Variants in GALNT15 observed in about 807,000 individuals in gnomAD.
GALNT15 encodes the protein polypeptide N-acetylgalactosaminyltransferase 15, also known as UDP-GalNAc transferase T15.
GALNT15 carries 67 observed loss-of-function variants against 66.8 expected under a neutral mutation model. That is an observed-to-expected ratio of 1.00 (90% CI 0.82 to 1.23). GALNT15 has a LOEUF of 1.23. GALNT15 is among the 50% of genes most tolerant of loss of function. The pLI is 0.00. For missense variants in GALNT15, 827 were observed against 804.3 expected, an observed-to-expected ratio of 1.03 and a Z score of -0.34; for synonymous variants, 313 against 311.5, an observed-to-expected ratio of 1.00 and a Z score of -0.05.
At chr3:16,240,753 C>T in the GALNT15 span, among the ~76,000 whole-genome samples, 248 of 152,234 alleles carry the variant, frequency 1.6e-3, 2 homozygotes, top group African/African-American at 5.5e-3. Flanking sequence ...CACTAGAGCC[C>T]GAGTAATCAA....
chr3:16,207,501 TAAAAAAA>T (rs36127239), intron 3 of GALNT15, among the ~76,000 whole-genome samples: 646 of 39,824 alleles, frequency 0.016, 25 homozygotes, highest in Middle Eastern at 0.024. Context: ...CTCCAGGCTG[TAAAAAAA>T]AAAAAAAAAA....
rs1364771335 is a variant in GALNT15, at chr3:16,180,404, C to A, written c.539+4714C>A. On this transcript the variant is annotated intron_variant, in intron 1 of 9. Coordinates refer to ENST00000339732, the MANE Select transcript of GALNT15 (RefSeq NM_054110.5). This position sits in a 1 kb window ranked among gnomAD's most constrained non-coding sequence, Gnocchi z 5.0. ...TCAGATGCTCCATTTCTATCAAAGG[C>A]ACTCCAAGGTGGCACCAGCACTGTT... 6.6e-6 allele frequency among the ~76,000 whole-genome samples: 1 copy of A among 152,224 alleles called. No individual in the cohort carries two copies. Among genetic ancestry groups the A allele is most frequent in the African/African-American group, 2.4e-5 (1 of 41,460 alleles).
At position 16,175,502 on chromosome 3, in the gene GALNT15, C is replaced by T. The variant is rs750868454; in HGVS notation, c.351C>T (p.Tyr117=). 1 of 1,613,922 alleles carries T rather than the reference C, an allele frequency of 6.2e-7. No individual in the cohort carries two copies. Among genetic ancestry groups the T allele is most frequent in the Non-Finnish European group, 8.5e-7 (1 of 1,179,918 alleles). The change falls in exon 1 of 10, where the codon TAC becomes TAT. Residue 117 remains tyrosine, a synonymous_variant. Transcript: ENST00000339732. The surrounding 1 kb of genome is among the most constrained non-coding windows in gnomAD (Gnocchi z 5.6). ...GCCAGGGCAGGAGAGGTGGGAGCTA[C>T]CGCCTCATCAAGCAGCCAAGGAGGC... is the stretch of plus-strand genomic sequence containing the variant. ...NQSQGRRGGS[Y]RLIKQPRRQD...
rs1427123997 is a variant in GALNT15 at position 16,175,984 on chromosome 3, AG to A, written c.539+296del. The stretch of plus-strand genomic sequence containing the variant: ...TCATTGTCCTAGAAAGCAGAAAGTG[AG>A]GACTCTTGCTTGTTCATTCTCTTCT... On this transcript the variant is annotated intron_variant, in intron 1 of 9. Coordinates refer to ENST00000339732, the MANE Select transcript of GALNT15 (RefSeq NM_054110.5). This position sits in a 1 kb window ranked among gnomAD's most constrained non-coding sequence, Gnocchi z 5.6. Among the ~76,000 whole-genome samples, 1 of 152,192 alleles carries A rather than the reference AG, an allele frequency of 6.6e-6. No individual in the cohort carries two copies.
At chr3:16,231,591 A>G (rs1257495367), downstream of GALNT15, among the ~76,000 whole-genome samples, 1 of 152,230 alleles carries the variant, frequency 6.6e-6, no homozygotes, top group Non-Finnish European at 1.5e-5. The surrounding 1 kb of genome is among the most constrained non-coding windows in gnomAD (Gnocchi z 4.1). Context: ...CATCAGAATC[A>G]CCATGATGAC....
chr3:16,208,777 T>G (rs2063784037), intron 4 of GALNT15, 107 bp downstream of exon 4: 2 of 985,422 alleles, frequency 2.0e-6, no homozygotes, highest in Non-Finnish European at 3.1e-6. Flanking sequence ...AGTAAATTAC[T>G]TAATGTATGC....
At position 16,219,298 on chromosome 3, in the gene GALNT15, T is replaced by G. The variant is rs142007929; in HGVS notation, c.1393-105T>G. ...AGAACTGTGGTCTTGGCCCCTTCCT[T>G]CTGTCCTGATCCTTTAGCTTCTTCC... On this transcript the variant is annotated intron_variant, in intron 6 of 9. Coordinates refer to ENST00000339732, the MANE Select transcript of GALNT15 (RefSeq NM_054110.5). The surrounding 1 kb of genome is among the most constrained non-coding windows in gnomAD (Gnocchi z 4.3). 38 of 1,468,880 alleles carry G rather than the reference T, an allele frequency of 2.6e-5. No individual in the cohort carries two copies. The African/African-American group carries it at 4.2e-4, about 16-fold the overall frequency. The allele number at this position is 1,468,880 out of a possible 1,614,324, so 91.0% of individuals were successfully genotyped here. A position where few individuals can be genotyped will look rare whatever the true frequency, so the allele number is the denominator to read the frequency against.
chr3:16,201,317 G>C (rs1291970646), intron 3 of GALNT15, among the ~76,000 whole-genome samples: 1 of 152,110 alleles, frequency 6.6e-6, no homozygotes, highest in East Asian at 1.9e-4. Context: ...GAGTAGCTGG[G>C]ACTACAGGCG....
At chr3:16,232,469 A>AATAAATAAATAT (rs1553689248), downstream of GALNT15, among the ~76,000 whole-genome samples, 15 of 38,728 alleles carry the variant, frequency 3.9e-4, no homozygotes, top group South Asian at 1.2e-3. Flanking sequence ...TAAATAAATA[A>AATAAATAAATAT]ATATATATAT....
rs758721300 is a variant in GALNT15, at chr3:16,227,432, C to T, written c.1852C>T (p.Arg618Cys). 9 of 1,614,034 alleles carry T rather than the reference C, an allele frequency of 5.6e-6. No individual in the cohort carries two copies. Among genetic ancestry groups the T allele is most frequent in the East Asian group, 4.5e-5 (2 of 44,874 alleles). Reference sequence around the variant, plus strand: ...AGAAAACAATAAAGATTTGTACCTGCGTCCGTGTGATGGAAAAGCCCGCCA... The same window carrying T: ...AGAAAACAATAAAGATTTGTACCTGTGTCCGTGTGATGGAAAAGCCCGCCA... Reference protein sequence around the residue: ...VQENNKDLYLRPCDGKARQQW... With the variant: ...VQENNKDLYLCPCDGKARQQW... Residue 618 changes from arginine (R) to cysteine (C), a missense_variant, in exon 10 of 10, where the codon CGT (arginine) becomes TGT (cysteine). By Grantham distance (180) the Arg-to-Cys change is radical. Coordinates refer to ENST00000339732, the MANE Select transcript of GALNT15 (RefSeq NM_054110.5). This position sits in a 1 kb window ranked among gnomAD's most constrained non-coding sequence, Gnocchi z 4.5.
chr3:16,203,181 T>C lies in GALNT15; in HGVS notation c.911+2358T>C, dbSNP rs2063720123. Among the ~76,000 whole-genome samples, 1 of 152,090 alleles carries C rather than the reference T, an allele frequency of 6.6e-6. No individual in the cohort carries two copies. Among genetic ancestry groups the C allele is most frequent in the Admixed American group, 6.5e-5 (1 of 15,274 alleles). On this transcript the variant is annotated intron_variant, in intron 3 of 9. Transcript: ENST00000339732. This position sits in a 1 kb window ranked among gnomAD's most constrained non-coding sequence, Gnocchi z 6.2. ...TCCAGTGCTGTTTTTATTGTGTACA[T>C]TTTCTTTTTAAGAGTTGGAGAAGCT...
rs550362268 is a variant in GALNT15 at position 16,195,971 on chromosome 3, C to G, written c.706+45C>G. 2.5e-6 allele frequency: 4 copies of G among 1,596,012 alleles called. No individual in the cohort carries two copies. The highest frequency in any genetic ancestry group is 2.2e-5 in the South Asian group (2 of 89,876). ...AGGCTCGTCTGGGTGAGCCTTACCCCCTGGCGGGTGGAGTTCTCAAGCAAA... is the reference window on the plus strand; with the variant it reads ...AGGCTCGTCTGGGTGAGCCTTACCCGCTGGCGGGTGGAGTTCTCAAGCAAA... On this transcript the variant is annotated intron_variant, in intron 2 of 9. Transcript: ENST00000339732. This position sits in a 1 kb window ranked among gnomAD's most constrained non-coding sequence, Gnocchi z 4.6.
the GALNT15 span, among the ~76,000 whole-genome samples, chr3:16,242,738 C>A: frequency 1.3e-5 from 2 of 152,142 alleles, no homozygotes; most frequent in Non-Finnish European, 2.9e-5. The surrounding 1 kb of genome is among the most constrained non-coding windows in gnomAD (Gnocchi z 5.6). Context: ...GTGATTGTGC[C>A]ACTGCCCTCC....
the GALNT15 span, among the ~76,000 whole-genome samples, chr3:16,237,867 C>T: frequency 6.6e-6 from 1 of 152,184 alleles, no homozygotes; most frequent in African/African-American, 2.4e-5. This position sits in a 1 kb window ranked among gnomAD's most constrained non-coding sequence, Gnocchi z 4.2. Context: ...CCCTCACAGA[C>T]TGGTTTACGC....
intron 3 of GALNT15, among the ~76,000 whole-genome samples, chr3:16,201,337 A>G (rs9870429): frequency 0.087 from 13,274 of 151,904 alleles, 926 homozygotes; most frequent in African/African-American, 0.19. Flanking sequence ...GCCCGCCACC[A>G]CACCCGGCTA....
At chr3:16,205,108 G>A (rs1007398816) in intron 3 of GALNT15, among the ~76,000 whole-genome samples, 2 of 152,196 alleles carry the variant, frequency 1.3e-5, no homozygotes, top group Admixed American at 6.5e-5. Flanking sequence ...ACACGTCCTC[G>A]TATCTGCCCC....
downstream of GALNT15, among the ~76,000 whole-genome samples, chr3:16,236,104 CAAAAAAAAAAAAA>C (rs558670542): frequency 5.6e-3 from 130 of 23,406 alleles, 4 homozygotes; most frequent in South Asian, 0.29. Flanking sequence ...GACTATGTCT[CAAAAAAAAAAAAA>C]AAAAAAAAAA....
chr3:16,200,719 G>A lies in GALNT15; in HGVS notation c.807G>A (p.Leu269=), dbSNP rs2063691138. Reference sequence around the variant, plus strand: ...TGGGTGCCATCAGGGCCCGGATGCTGGGGGCCACCAGAGCCACCGGGGATG... The same window carrying A: ...TGGGTGCCATCAGGGCCCGGATGCTAGGGGCCACCAGAGCCACCGGGGATG... The part of the protein sequence containing the change: ...KRLGAIRARM[L]GATRATGDVL... Residue 269 remains leucine (L), a synonymous_variant, in exon 3 of 10, where the codon CTG becomes CTA. Transcript: ENST00000339732. This position sits in a 1 kb window ranked among gnomAD's most constrained non-coding sequence, Gnocchi z 4.4. 1 of 1,611,416 alleles carries A rather than the reference G, an allele frequency of 6.2e-7. No homozygotes were observed. Among genetic ancestry groups the A allele is most frequent in the African/African-American group, 1.3e-5 (1 of 74,792 alleles).
intron 1 of GALNT15, among the ~76,000 whole-genome samples, chr3:16,192,415 T>C (rs1213467649): frequency 2.0e-5 from 3 of 152,216 alleles, no homozygotes; most frequent in South Asian, 2.1e-4. Context: ...TCCTTTCCTA[T>C]CTCAGTTGGC....
Sources: gnomAD v4.1 joint callset for allele counts (sites outside exome capture counted in the v4.1 genomes callset) on GRCh38, gnomAD v4.1.1 for gene constraint, Gnocchi (gnomAD v3.1) non-coding constraint, MANE v1.5 for transcripts, NCBI Gene and HGNC (gene_info 2026-07-23, HGNC 2026-07-21) for gene names.